ZNF608: variants seen among roughly 807,000 people sequenced by gnomAD.
ZNF608 encodes the protein zinc finger protein 608.
A neutral mutation model predicts 109.0 loss-of-function variants in ZNF608; 12 were observed. That is an observed-to-expected ratio of 0.11 (90% CI 0.07 to 0.18). ZNF608 has a LOEUF of 0.18. Ranked by LOEUF, ZNF608 falls within the 10% of genes least tolerant of loss-of-function variation. The probability of loss-of-function intolerance (pLI) is 1.00; values close to 1 mark genes in which losing one functional copy is unlikely to be tolerated. For synonymous variants in ZNF608, 732 were observed against 717.4 expected, an observed-to-expected ratio of 1.02 and a Z score of -0.33; for missense variants, 1,707 against 1,879.3, an observed-to-expected ratio of 0.91 and a Z score of 1.70.
At chr5:124,724,496 CAAA>C (rs5871102) in intron 2 of ZNF608, among the ~76,000 whole-genome samples, 2 of 100,078 alleles carry the variant, frequency 2.0e-5, no homozygotes, top group South Asian at 4.0e-4. Flanking sequence ...GCAAAGAGTG[CAAA>C]AAAAAAAAAA....
chr5:124,718,582 CCT>C (rs1194550809), intron 2 of ZNF608, among the ~76,000 whole-genome samples: 3 of 152,174 alleles, frequency 2.0e-5, no homozygotes, highest in African/African-American at 7.2e-5. Context: ...AACAGCCAAT[CCT>C]CTGTTTTACA....
chr5:124,701,829 T>C (rs541799535), intron 2 of ZNF608, among the ~76,000 whole-genome samples: 2 of 152,340 alleles, frequency 1.3e-5, no homozygotes, highest in East Asian at 3.9e-4. Context: ...TAGCATGTAT[T>C]AAGCATCAAC....
chr5:124,727,685 T>C (rs1218589137), intron 2 of ZNF608, among the ~76,000 whole-genome samples: 1 of 127,640 alleles, frequency 7.8e-6, no homozygotes, highest in Non-Finnish European at 1.6e-5. Context: ...ACACATCAGA[T>C]ACAGCTTCAG....
intron 2 of ZNF608, among the ~76,000 whole-genome samples, chr5:124,724,529 A>G (rs1450658156): frequency 2.8e-5 from 4 of 143,710 alleles, no homozygotes; most frequent in Non-Finnish European, 4.5e-5. Context: ...TGGCATTTCT[A>G]TTTATATTAT....
chr5:124,657,585 G>T (rs1245050769), intron 3 of ZNF608, among the ~76,000 whole-genome samples: 6 of 152,154 alleles, frequency 3.9e-5, no homozygotes, highest in Non-Finnish European at 7.3e-5. Context: ...GGAGGCAGGT[G>T]AATGGCGTGA....
At chr5:124,662,775 G>A (rs561418903) in intron 3 of ZNF608, among the ~76,000 whole-genome samples, 1 of 152,110 alleles carries the variant, frequency 6.6e-6, no homozygotes, top group African/African-American at 2.4e-5. Context: ...ATCCTCCCAG[G>A]TTGCCTTGTA....
intron 2 of ZNF608, among the ~76,000 whole-genome samples, chr5:124,728,509 A>T (rs1748732676): frequency 1.3e-5 from 2 of 152,020 alleles, no homozygotes; most frequent in Admixed American, 1.3e-4. Context: ...CCTTCTCTTG[A>T]CCTATCTTAC....
At chr5:124,672,137 G>T (rs1207844692) in intron 3 of ZNF608, among the ~76,000 whole-genome samples, 1 of 152,154 alleles carries the variant, frequency 6.6e-6, no homozygotes, top group East Asian at 1.9e-4. Flanking sequence ...AAATAAACTT[G>T]ATTTAACTCT....
Position 124,644,516 on chromosome 5 carries a change from A to C in ZNF608, c.3851T>G (p.Leu1284Arg). The change falls in exon 6 of 10, where the codon CTT (leucine) becomes CGT (arginine). Residue 1284 changes from leucine (L) to arginine (R), a missense_variant. By Grantham distance (102) the Leu-to-Arg change is moderately radical (BLOSUM62 -2). This residue lies in a region of ZNF608 where 1,073 missense variants were observed against 1,133.5 expected (regional missense o/e 0.95). Transcript: ENST00000513986. ...TPNKESGVPS[L>R]PVSLTSIKEE... Reference sequence around the variant, plus strand: ...TTTAATGCTTGTTAACGATACAGGAAGGCTGGGCACACCACTCTCTTTATT... The same window carrying C: ...TTTAATGCTTGTTAACGATACAGGACGGCTGGGCACACCACTCTCTTTATT... 6.2e-7 allele frequency: 1 copy of C among 1,614,114 alleles called. No individual in the cohort carries two copies. Among genetic ancestry groups the C allele is most frequent in the Non-Finnish European group, 8.5e-7 (1 of 1,180,026 alleles).
At chr5:124,704,730 C>T (rs926421092) in intron 2 of ZNF608, among the ~76,000 whole-genome samples, 3 of 152,110 alleles carry the variant, frequency 2.0e-5, no homozygotes, top group East Asian at 1.9e-4. Context: ...AGCCTTGCCA[C>T]GTGACTTGCC....
At chr5:124,655,022 C>T (rs1259918972) in intron 3 of ZNF608, among the ~76,000 whole-genome samples, 1 of 152,206 alleles carries the variant, frequency 6.6e-6, no homozygotes, top group Non-Finnish European at 1.5e-5. Flanking sequence ...CCCCTGGCGG[C>T]ACAGTGGCTA....
At chr5:124,666,640 G>T (rs1177097152) in intron 3 of ZNF608, among the ~76,000 whole-genome samples, 1 of 151,704 alleles carries the variant, frequency 6.6e-6, no homozygotes, top group East Asian at 1.9e-4. Flanking sequence ...CCCCAGCCCT[G>T]GAAGATTAGT....
chr5:124,676,541 A>G (rs1751952684), intron 3 of ZNF608, among the ~76,000 whole-genome samples: 1 of 152,162 alleles, frequency 6.6e-6, no homozygotes, highest in Non-Finnish European at 1.5e-5. Flanking sequence ...TAATACCTAA[A>G]ATATTTTGTG....
At chr5:124,742,581 T>C (rs1409468973) in intron 2 of ZNF608, among the ~76,000 whole-genome samples, 3 of 152,188 alleles carry the variant, frequency 2.0e-5, no homozygotes, top group African/African-American at 7.2e-5. Flanking sequence ...CATTTAAATA[T>C]AAGACTCAAA....
At chr5:124,722,594 C>G (rs916850267) in intron 2 of ZNF608, among the ~76,000 whole-genome samples, 19 of 151,230 alleles carry the variant, frequency 1.3e-4, no homozygotes, top group African/African-American at 4.6e-4. Flanking sequence ...CACACACACA[C>G]ACACACACAC....
At position 124,644,658 on chromosome 5, in the gene ZNF608, G is replaced by A; in HGVS notation, c.3709C>T (p.Pro1237Ser). 1 of 1,526,982 alleles carries A rather than the reference G, an allele frequency of 6.5e-7. No homozygotes were observed. 94.6% of individuals were successfully genotyped at this position (1,526,982 alleles called of 1,614,324 possible). The change falls in exon 6 of 10, where the codon CCA becomes TCA. Residue 1237 changes from proline to serine, a missense_variant. Pro to Ser is a moderately conservative substitution (Grantham distance 74, BLOSUM62 -1). Coordinates refer to ENST00000513986, the MANE Select transcript of ZNF608 (RefSeq NM_020747.3). ...VDPTSRFKQD[P>S]DSRTWHHYVY... Reference sequence around the variant, plus strand: ...TAATGATGCCATGTTCTTGAATCTGGGTCCTGATTTTTTTGTTTTAAAGAA... The same window carrying A: ...TAATGATGCCATGTTCTTGAATCTGAGTCCTGATTTTTTTGTTTTAAAGAA...
At chr5:124,743,605 C>A (rs1405717999) in intron 2 of ZNF608, among the ~76,000 whole-genome samples, 2 of 152,186 alleles carry the variant, frequency 1.3e-5, no homozygotes, top group Non-Finnish European at 2.9e-5. Flanking sequence ...CCTCGACATT[C>A]CTCTCCAGGG....
chr5:124,702,374 A>G (rs1027202073), intron 2 of ZNF608, among the ~76,000 whole-genome samples: 3 of 152,112 alleles, frequency 2.0e-5, no homozygotes, highest in Admixed American at 6.5e-5. Flanking sequence ...AACAAATCCT[A>G]TATGTAAAAA....
At chr5:124,712,182 G>A (rs1753519873) in intron 2 of ZNF608, among the ~76,000 whole-genome samples, 1 of 152,118 alleles carries the variant, frequency 6.6e-6, no homozygotes, top group African/African-American at 2.4e-5. Flanking sequence ...AGTACTCCAA[G>A]AAGACCTGGC....
Sources: allele counts gnomAD v4.1 joint callset (sites outside exome capture counted in the v4.1 genomes callset), GRCh38; gene constraint gnomAD v4.1.1; regional missense constraint gnomAD v4.1.1; transcripts MANE v1.5; gene names NCBI Gene and HGNC (gene_info 2026-07-23, HGNC 2026-07-21).